The following CSGALNACT1 variants were observed in gnomAD, a reference collection of about 807,000 sequenced individuals.
CSGALNACT1 encodes chondroitin sulfate N-acetylgalactosaminyltransferase 1.
Under a neutral mutation model 51.0 loss-of-function variants are expected in CSGALNACT1, and 52 were observed. The ratio of observed to expected loss-of-function variants is 1.02; its 90% CI spans 0.82 to 1.29. The LOEUF is 1.29. CSGALNACT1 is among the 50% of genes most tolerant of loss of function. The pLI, the probability that CSGALNACT1 is intolerant of heterozygous loss-of-function variation, is 0.00. For synonymous variants in CSGALNACT1, 341 were observed against 254.4 expected (o/e 1.34, Z -3.24); for missense variants, 935 against 679.2 (o/e 1.38, Z -4.19).
intron 3 of CSGALNACT1, among the ~76,000 whole-genome samples, chr8:19,513,904 A>C (rs1271075979): frequency 1.3e-5 from 2 of 152,190 alleles, no homozygotes; most frequent in Non-Finnish European, 2.9e-5. Context: ...AATGTTACAC[A>C]TCACATAACT....
intron 3 of CSGALNACT1, among the ~76,000 whole-genome samples, chr8:19,551,027 T>C (rs1395253867): frequency 2.0e-5 from 3 of 152,216 alleles, no homozygotes; most frequent in Non-Finnish European, 4.4e-5. Flanking sequence ...GGCCTCACCC[T>C]TCACATCTGT....
chr8:19,678,504 A>G (rs17481063), intron 1 of CSGALNACT1: 53,771 of 152,040 alleles, frequency 0.35, 10,200 homozygotes, highest in Middle Eastern at 0.48. Context: ...CAAGTCAGGC[A>G]CGTAATAGAA....
At chr8:19,652,042 G>T (rs2057860117) in intron 1 of CSGALNACT1, among the ~76,000 whole-genome samples, 1 of 151,680 alleles carries the variant, frequency 6.6e-6, no homozygotes, top group Non-Finnish European at 1.5e-5. Context: ...GCAATCCCCT[G>T]CTCCAGCCTC....
intron 1 of CSGALNACT1, among the ~76,000 whole-genome samples, chr8:19,628,305 A>C (rs571034632): frequency 4.3e-4 from 65 of 152,318 alleles, no homozygotes; most frequent in African/African-American, 1.4e-3. Flanking sequence ...TACATCTTAC[A>C]TGGTGGCAGG....
intron 3 of CSGALNACT1, among the ~76,000 whole-genome samples, chr8:19,574,938 G>C (rs1279138090): frequency 2.6e-5 from 4 of 152,056 alleles, no homozygotes; most frequent in Non-Finnish European, 5.9e-5. Context: ...GGGAGGCTGA[G>C]GCAGGAGAAT....
chr8:19,503,910 A>G (rs1295701441), intron 4 of CSGALNACT1, among the ~76,000 whole-genome samples: 1 of 152,144 alleles, frequency 6.6e-6, no homozygotes, highest in Non-Finnish European at 1.5e-5. Flanking sequence ...AGTCTAAAAA[A>G]GCATAAAAGA....
chr8:19,519,153 G>A (rs1412721879), intron 3 of CSGALNACT1, among the ~76,000 whole-genome samples: 1 of 152,212 alleles, frequency 6.6e-6, no homozygotes, highest in Non-Finnish European at 1.5e-5. Flanking sequence ...TTCACTTTGA[G>A]TCTAAGGTAG....
intron 3 of CSGALNACT1, among the ~76,000 whole-genome samples, chr8:19,523,884 A>G (rs1222160965): frequency 2.0e-5 from 3 of 152,200 alleles, no homozygotes; most frequent in Non-Finnish European, 2.9e-5. Flanking sequence ...AGAGGAGAGA[A>G]AGATCATCTG....
intron 1 of CSGALNACT1, among the ~76,000 whole-genome samples, chr8:19,694,647 G>C (rs943717584): frequency 3.3e-5 from 5 of 152,184 alleles, no homozygotes; most frequent in African/African-American, 9.7e-5. Context: ...TTCTAGAATA[G>C]GAAAGGGCAT....
At chr8:19,415,583 C>T (rs191657432) in intron 8 of CSGALNACT1, among the ~76,000 whole-genome samples, 140 of 150,408 alleles carry the variant, frequency 9.3e-4, no homozygotes, top group African/African-American at 3.4e-3. Flanking sequence ...TGCACTGTGC[C>T]TCTGATTCCC....
At chr8:19,567,568 G>T (rs925790182) in intron 3 of CSGALNACT1, among the ~76,000 whole-genome samples, 1 of 152,132 alleles carries the variant, frequency 6.6e-6, no homozygotes, top group Non-Finnish European at 1.5e-5. Flanking sequence ...TTGCGATCTG[G>T]ATTATAAGGA....
Position 19,451,740 on chromosome 8 carries a change from T to G in CSGALNACT1, c.851+6686A>C, listed in dbSNP as rs372820720. 3.9e-4 allele frequency among the ~76,000 whole-genome samples: 60 copies of G among 152,354 alleles called. 1 individual carries two copies. The highest frequency in any genetic ancestry group is 1.3e-3 in the African/African-American group (56 of 41,578). Reference sequence around the variant, plus strand: ...TCTGTCCAAGAAGACATATTTATTGTAAGTTGAAGCCATGCAAGTCTTTTC... The same window carrying G: ...TCTGTCCAAGAAGACATATTTATTGGAAGTTGAAGCCATGCAAGTCTTTTC... On this transcript the variant is annotated intron_variant, in intron 5 of 9. Coordinates refer to ENST00000454498, the Ensembl canonical transcript of CSGALNACT1.
intron 3 of CSGALNACT1, among the ~76,000 whole-genome samples, chr8:19,549,171 T>C (rs2087263107): frequency 6.6e-6 from 1 of 151,990 alleles, no homozygotes. Flanking sequence ...AAGATCAGGA[T>C]TTAGTTCTCT....
At chr8:19,493,133 G>T (rs2074740128) in intron 4 of CSGALNACT1, among the ~76,000 whole-genome samples, 1 of 150,846 alleles carries the variant, frequency 6.6e-6, no homozygotes, top group South Asian at 2.1e-4. Flanking sequence ...GTCTATGGAA[G>T]AGCCCAAAAT....
intron 4 of CSGALNACT1, among the ~76,000 whole-genome samples, chr8:19,499,864 G>A (rs2076118649): frequency 6.6e-6 from 1 of 152,158 alleles, no homozygotes; most frequent in South Asian, 2.1e-4. Context: ...CAGGTTGCAG[G>A]ATCCTGATGG....
chr8:19,420,798 T>C (rs1328859815), intron 6 of CSGALNACT1, among the ~76,000 whole-genome samples: 4 of 152,204 alleles, frequency 2.6e-5, no homozygotes, highest in African/African-American at 9.7e-5. Context: ...TTAATGACTA[T>C]TCTTTGTGAT....
chr8:19,679,382 G>C (rs2060428734), intron 1 of CSGALNACT1, among the ~76,000 whole-genome samples: 1 of 152,098 alleles, frequency 6.6e-6, no homozygotes, highest in Non-Finnish European at 1.5e-5. Context: ...CTTGAGCTCA[G>C]GGAGGTCGAG....
intron 6 of CSGALNACT1, among the ~76,000 whole-genome samples, chr8:19,429,752 A>G (rs2059363093): frequency 6.6e-6 from 1 of 152,230 alleles, no homozygotes; most frequent in Admixed American, 6.5e-5. Context: ...TGGGATCAGA[A>G]CTGCTGAGTC....
At chr8:19,505,262 C>T (rs1396377237) in exon 4 of CSGALNACT1, 11 of 1,614,152 alleles carry the variant, frequency 6.8e-6, no homozygotes, top group Non-Finnish European at 9.3e-6. Context: ...CAGGACTGTT[C>T]AGGGTCTCCA....
Sources: gnomAD v4.1 joint callset for allele counts (sites outside exome capture counted in the v4.1 genomes callset) on GRCh38, gnomAD v4.1.1 for gene constraint, MANE v1.5 for transcripts, NCBI Gene and HGNC (gene_info 2026-07-23, HGNC 2026-07-21) for gene names.